Variants in AARSD1 observed in about 807,000 individuals in gnomAD.
AARSD1 encodes the protein alanyl-tRNA synthetase domain containing 1, also known as alanyl-tRNA editing protein Aarsd1.
In AARSD1, 44 loss-of-function variants were observed where a neutral mutation model predicts 48.7. The ratio of observed to expected loss-of-function variants is 0.90; its 90% confidence interval spans 0.71 to 1.16. The LOEUF (loss-of-function observed/expected upper bound fraction) is 1.16. AARSD1 is among the 50% of genes most tolerant of loss of function. The probability of loss-of-function intolerance (pLI) is 0.00; values close to 1 mark genes in which losing one functional copy is unlikely to be tolerated. For synonymous variants in AARSD1, 189 were observed against 194.9 expected, an observed-to-expected ratio of 0.97 and a Z score of 0.25; for missense variants, 511 against 523.1, an observed-to-expected ratio of 0.98 and a Z score of 0.23.
chr17:42,950,713 C>T lies in AARSD1; in HGVS notation c.1119G>A (p.Leu373=), dbSNP rs370527275. The change falls in exon 12 of 12, where the codon CTG becomes CTA. Residue 373 remains leucine, a synonymous_variant. Transcript: ENST00000427569. ...ETLGPRVAEV[L]EGKGAGKKGR... The stretch of plus-strand genomic sequence containing the variant: ...CTTTCTTCCCTGCTCCTTTGCCTTC[C>T]AGGACCTCAGCCACCCTGGGGAACA... The T allele has an allele frequency of 9.9e-6, 16 of 1,613,470 alleles. No individual in the cohort carries two copies. The African/African-American group carries it at 2.1e-4, about 22-fold the overall frequency.
rs763776444 is a variant in AARSD1 at position 42,951,924 on chromosome 17, G to A, written c.1009-30C>T. The A allele has an allele frequency of 2.5e-6, 4 of 1,608,894 alleles. No individual in the cohort carries two copies. In the South Asian group the frequency reaches 4.4e-5, roughly 18 times the overall value. The stretch of plus-strand genomic sequence containing the variant: ...GAGGTAAGACAAGGAGATAAGCTCT[G>A]ATACTGAAGGATGTAGAGTCAACCC... On this transcript the variant is annotated intron_variant, in intron 10 of 11. Coordinates refer to ENST00000427569, the MANE Select transcript of AARSD1 (RefSeq NM_001261434.2).
At position 42,961,361 on chromosome 17, in the gene AARSD1, A is replaced by G. The variant is rs184208184; in HGVS notation, c.172-10T>C. On this transcript the variant is annotated splice_polypyrimidine_tract_variant and intron_variant, in intron 2 of 11. Transcript: ENST00000427569. ...TACCACGGTCATCAGGCTGGTGGAA[A>G]TAAGTAAACGTAATCAATGGCAAGG... 132 of 1,613,940 alleles carry G rather than the reference A, an allele frequency of 8.2e-5. 1 individual carries two copies. In the East Asian group the frequency reaches 2.0e-3, roughly 24 times the overall value.
At chr17:42,961,056 G>C in intron 3 of AARSD1, 136 bp downstream of exon 3, 1 of 1,379,038 alleles carries the variant, frequency 7.3e-7, no homozygotes, top group Non-Finnish European at 9.7e-7. Context: ...TATCCTTCCT[G>C]AATTACAGCT....
chr17:42,956,599 T>A (rs548782028), intron 4 of AARSD1, 39 bp from the exon 5 acceptor site: 1 of 1,460,510 alleles, frequency 6.8e-7, no homozygotes, highest in South Asian at 1.3e-5. Context: ...CATATCTTAC[T>A]GAACAAGAAA....
rs781530774 is a variant in AARSD1 at position 42,957,158 on chromosome 17, A to C, written c.369T>G (p.Phe123Leu). 1 of 1,613,718 alleles carries C rather than the reference A, an allele frequency of 6.2e-7. No individual in the cohort carries two copies. Among genetic ancestry groups the C allele is most frequent in the Non-Finnish European group, 8.5e-7 (1 of 1,179,868 alleles). The stretch of plus-strand genomic sequence containing the variant: ...CTCACCATGATGTTGTCTTCAGCTT[A>C]AATAGATGGTCAGCAACTGCCGTGA... Reference protein sequence around the residue: ...HLITAVADHLFKLKTTSWELG... With the variant: ...HLITAVADHLLKLKTTSWELG... Residue 123 changes from phenylalanine to leucine, a missense_variant, in exon 4 of 12, where the codon TTT becomes TTG. Phe to Leu is a conservative substitution (Grantham distance 22). Coordinates refer to ENST00000427569, the MANE Select transcript of AARSD1 (RefSeq NM_001261434.2).
At position 42,955,171 on chromosome 17, in the gene AARSD1, TTGG is replaced by T. The variant is rs768326375; in HGVS notation, c.845_847del (p.Thr282del). On this transcript the variant is annotated inframe_deletion, in exon 8 of 12. Coordinates refer to ENST00000427569, the MANE Select transcript of AARSD1 (RefSeq NM_001261434.2). ...GGAATAAATCACCTTCTGCAGGATC[TTGG>T]TGGAGTTCTGGAGCTTTTTCACTGC... is the stretch of plus-strand genomic sequence containing the variant. 1.2e-6 allele frequency: 2 copies of T among 1,614,194 alleles called. No homozygotes were observed. Among genetic ancestry groups the T allele is most frequent in the South Asian group, 2.2e-5 (2 of 91,088 alleles).
At chr17:42,955,578 A>C (rs2049537731) in intron 7 of AARSD1, 1 of 480,890 alleles carries the variant, frequency 2.1e-6, no homozygotes, top group Non-Finnish European at 3.6e-6. Context: ...AGCTGGGACT[A>C]CAGGCGCCCA....
intron 2 of AARSD1, among the ~76,000 whole-genome samples, chr17:42,962,721 G>A (rs1471974777): frequency 6.6e-6 from 1 of 152,162 alleles, no homozygotes; most frequent in Non-Finnish European, 1.5e-5. Context: ...GTTCTCTCAT[G>A]TCACTTATTT....
At position 42,964,207 on chromosome 17, in the gene AARSD1, C is replaced by G. The variant is rs201921457; in HGVS notation, c.70G>C (p.Ala24Pro). The change falls in exon 2 of 12, where the codon GCG (alanine) becomes CCG (proline). Residue 24 changes from alanine (A) to proline (P), a missense_variant. By Grantham distance (27) the Ala-to-Pro change is conservative (BLOSUM62 -1). Coordinates refer to ENST00000427569, the MANE Select transcript of AARSD1 (RefSeq NM_001261434.2). ...TTGCTCCCTTCAGTCTGCAGCTCCG[C>G]GGGACAGCAGGAGACCACGGTGGTG... ...FTTTVVSCCP[A>P]ELQTEGSNGK... 171 of 1,614,084 alleles carry G rather than the reference C, an allele frequency of 1.1e-4. No individual in the cohort carries two copies. Among genetic ancestry groups the G allele is most frequent in the Non-Finnish European group, 2.6e-5 (31 of 1,180,050 alleles).
At chr17:42,963,431 G>A (rs1025137868) in intron 2 of AARSD1, among the ~76,000 whole-genome samples, 1 of 151,350 alleles carries the variant, frequency 6.6e-6, no homozygotes, top group Non-Finnish European at 1.5e-5. Flanking sequence ...AGAAAGAAAA[G>A]AAAAGAAAGA....
Position 42,961,357 on chromosome 17 carries a change from G to T in AARSD1, c.172-6C>A. On this transcript the variant is annotated splice_region_variant and splice_polypyrimidine_tract_variant and intron_variant, in intron 2 of 11. Transcript: ENST00000427569. Reference sequence around the variant, plus strand: ...ATTGTACCACGGTCATCAGGCTGGTGGAAATAAGTAAACGTAATCAATGGC... The same window carrying T: ...ATTGTACCACGGTCATCAGGCTGGTTGAAATAAGTAAACGTAATCAATGGC... 1.2e-6 allele frequency: 2 copies of T among 1,613,942 alleles called. No individual in the cohort carries two copies. The highest frequency in any genetic ancestry group is 1.7e-6 in the Non-Finnish European group (2 of 1,179,944).
chr17:42,953,794 C>G lies in AARSD1; in HGVS notation c.954-16G>C. On this transcript the variant is annotated splice_polypyrimidine_tract_variant and intron_variant, in intron 9 of 11. Transcript: ENST00000427569. ...ACCCTCCTTCCTACAACAAAGGACA[C>G]AGACATGAGACCCAGGTTGGAGTGG... The G allele has an allele frequency of 1.2e-6, 2 of 1,614,130 alleles. No individual in the cohort carries two copies. Among genetic ancestry groups the G allele is most frequent in the Non-Finnish European group, 1.7e-6 (2 of 1,179,980 alleles).
chr17:42,955,293 A>G (rs908273234), intron 7 of AARSD1, 69 bp from the exon 8 acceptor site: 3 of 1,591,554 alleles, frequency 1.9e-6, no homozygotes, highest in African/African-American at 2.7e-5. Flanking sequence ...GACATAAATC[A>G]ATAATTTCCT....
intron 2 of AARSD1, among the ~76,000 whole-genome samples, chr17:42,963,328 C>G (rs2049664239): frequency 6.6e-6 from 1 of 151,210 alleles, no homozygotes; most frequent in Non-Finnish European, 1.5e-5. Context: ...ATCACTTGAA[C>G]CCAGGAGGCG....
chr17:42,950,879 C>G (rs1447882281), intron 11 of AARSD1, 151 bp from the exon 12 acceptor site: 1 of 1,350,840 alleles, frequency 7.4e-7, no homozygotes, highest in Non-Finnish European at 9.7e-7. Flanking sequence ...TGCACATAGG[C>G]TGGGCATGGT....
intron 2 of AARSD1, among the ~76,000 whole-genome samples, chr17:42,961,950 CTA>C (rs2049642600): frequency 6.6e-6 from 1 of 151,634 alleles, no homozygotes; most frequent in Non-Finnish European, 1.5e-5. Flanking sequence ...CTGCAGTGTG[CTA>C]TGATTGCTCC....
At chr17:42,960,983 C>T (rs916555416) in intron 3 of AARSD1, 3 of 791,066 alleles carry the variant, frequency 3.8e-6, no homozygotes, top group Non-Finnish European at 5.6e-6. Flanking sequence ...TACCTAAATC[C>T]AGCAGTTATT....
At position 42,952,054 on chromosome 17, in the gene AARSD1, C is replaced by T. The variant is rs568448519; in HGVS notation, c.1009-160G>A. On this transcript the variant is annotated intron_variant, in intron 10 of 11. Coordinates refer to ENST00000427569, the MANE Select transcript of AARSD1 (RefSeq NM_001261434.2). The stretch of plus-strand genomic sequence containing the variant: ...GATACAGCCCCTCCACACTGGCCCA[C>T]GAGGGCCAAGAAACTTTTTGAGAGC... 1.6e-4 allele frequency: 125 copies of T among 780,576 alleles called. No homozygotes were observed. In the African/African-American group the frequency reaches 2.0e-3, roughly 12 times the overall value. The allele number at this position is 780,576 out of a possible 1,614,324, so 48.4% of individuals were successfully genotyped here. A position where few individuals can be genotyped will look rare whatever the true frequency, so the allele number is the denominator to read the frequency against.
chr17:42,953,604 T>A (rs950226476), intron 10 of AARSD1, 120 bp downstream of exon 10: 1 of 1,296,482 alleles, frequency 7.7e-7, no homozygotes, highest in African/African-American at 1.5e-5. Flanking sequence ...ATTGAATGAA[T>A]GGCTATTTCC....
Sources: gnomAD v4.1 joint callset for allele counts (sites outside exome capture counted in the v4.1 genomes callset) on GRCh38, gnomAD v4.1.1 for gene constraint, MANE v1.5 for transcripts, NCBI Gene and HGNC (gene_info 2026-07-23, HGNC 2026-07-21) for gene names.